Variants in EYS observed in about 807,000 individuals in gnomAD.
EYS encodes the protein protein eyes shut homolog.
EYS carries 250 observed loss-of-function variants against 282.1 expected under a neutral mutation model. That is an observed-to-expected ratio of 0.89 (90% CI 0.80 to 0.98). EYS has a LOEUF of 0.98. Among genes scored for constraint, EYS ranks in the 50% least tolerant of loss-of-function variants. The pLI, the probability that EYS is intolerant of heterozygous loss-of-function variation, is 0.00. For missense variants in EYS, 4,016 were observed against 3,709.0 expected (o/e 1.08, Z -2.15); for synonymous variants, 1,355 against 1,282.9 (o/e 1.06, Z -1.20).
At chr6:64,367,441 T>C (rs1171567145) in intron 29 of EYS, among the ~76,000 whole-genome samples, 2 of 152,034 alleles carry the variant, frequency 1.3e-5, no homozygotes, top group Non-Finnish European at 2.9e-5. Context: ...TGCTCTCCTA[T>C]TCTTCAACTT....
intron 5 of EYS, among the ~76,000 whole-genome samples, chr6:65,414,776 A>G (rs1332999807): frequency 2.6e-5 from 4 of 152,158 alleles, no homozygotes; most frequent in Admixed American, 6.6e-5. Flanking sequence ...ATAAGTGAAG[A>G]TAAATATTTG....
intron 31 of EYS, among the ~76,000 whole-genome samples, chr6:64,169,456 G>A (rs530517396): frequency 2.9e-5 from 4 of 136,508 alleles, no homozygotes; most frequent in South Asian, 2.1e-4. Flanking sequence ...TTACAAAAAG[G>A]ATTATTGACA....
intron 5 of EYS, among the ~76,000 whole-genome samples, chr6:65,478,220 A>C (rs1341645210): frequency 6.6e-6 from 1 of 151,274 alleles, no homozygotes; most frequent in Non-Finnish European, 1.5e-5. Context: ...GAAAATATGA[A>C]TGTATATGGC....
In EYS at chr6:63,994,901, A is replaced by G. The variant is rs144096763; in HGVS notation, c.6834+4174T>C. Among the ~76,000 whole-genome samples, 58 of 152,050 alleles carry G rather than the reference A, an allele frequency of 3.8e-4. 1 individual carries two copies. In the East Asian group the frequency reaches 9.9e-3, roughly 26 times the overall value. On this transcript the variant is annotated intron_variant, in intron 34 of 42. Transcript: ENST00000503581. Reference sequence around the variant, plus strand: ...TACTTAAAGTTGATTAAAGACTTAAACTTAACACCCAAACCATAAAACCCC... The same window carrying G: ...TACTTAAAGTTGATTAAAGACTTAAGCTTAACACCCAAACCATAAAACCCC...
At chr6:64,026,887 C>T (rs1769543218) in intron 33 of EYS, among the ~76,000 whole-genome samples, 1 of 152,162 alleles carries the variant, frequency 6.6e-6, no homozygotes, top group South Asian at 2.1e-4. Flanking sequence ...TGATTTAAAA[C>T]AGATCAAGGC....
At chr6:64,295,796 T>C in intron 30 of EYS, among the ~76,000 whole-genome samples, 1 of 151,786 alleles carries the variant, frequency 6.6e-6, no homozygotes, top group Non-Finnish European at 1.5e-5. Flanking sequence ...GTTGCCAATG[T>C]TACAATTCGA....
At chr6:64,883,820 AC>A (rs1049654637) in intron 19 of EYS, among the ~76,000 whole-genome samples, 1 of 143,912 alleles carries the variant, frequency 6.9e-6, no homozygotes, top group African/African-American at 2.6e-5. Flanking sequence ...AATTCAGTCA[AC>A]TCACTACCAC....
At chr6:64,402,720 G>C (rs983802953) in intron 28 of EYS, among the ~76,000 whole-genome samples, 1 of 152,114 alleles carries the variant, frequency 6.6e-6, no homozygotes, top group Non-Finnish European at 1.5e-5. Context: ...AAAATACCAT[G>C]CAATTCAATT....
intron 12 of EYS, among the ~76,000 whole-genome samples, chr6:65,210,937 C>G (rs896855318): frequency 1.3e-5 from 2 of 151,342 alleles, no homozygotes; most frequent in African/African-American, 4.9e-5. Flanking sequence ...TACAAACACA[C>G]ACACACACAC....
chr6:63,956,288 C>T (rs1765817651), intron 35 of EYS, among the ~76,000 whole-genome samples: 1 of 152,146 alleles, frequency 6.6e-6, no homozygotes, highest in Admixed American at 6.6e-5. Flanking sequence ...AATTCCTTCT[C>T]CTAGCTCAGA....
At chr6:65,125,315 G>T (rs74701053) in intron 12 of EYS, among the ~76,000 whole-genome samples, 6,563 of 152,154 alleles carry the variant, frequency 0.043, 419 homozygotes, top group African/African-American at 0.14. Context: ...TTCATCTATA[G>T]AGTCTCAATG....
At chr6:64,039,527 T>A (rs2149836125) in intron 33 of EYS, among the ~76,000 whole-genome samples, 1 of 152,318 alleles carries the variant, frequency 6.6e-6, no homozygotes, top group East Asian at 1.9e-4. Context: ...TAATTCTACT[T>A]TTAAATAGAT....
intron 31 of EYS, among the ~76,000 whole-genome samples, chr6:64,147,671 CAT>C (rs1459217319): frequency 1.3e-5 from 2 of 152,176 alleles, no homozygotes; most frequent in African/African-American, 4.8e-5. Context: ...CTTTACCAGT[CAT>C]GTGACTGATC....
At chr6:64,661,996 A>G (rs1347598495) in intron 22 of EYS, among the ~76,000 whole-genome samples, 1 of 152,002 alleles carries the variant, frequency 6.6e-6, no homozygotes, top group African/African-American at 2.4e-5. Context: ...ATGTCCAACA[A>G]TGATAGACTC....
intron 11 of EYS, among the ~76,000 whole-genome samples, chr6:65,320,647 T>C (rs1769449019): frequency 6.6e-6 from 1 of 152,178 alleles, no homozygotes; most frequent in Non-Finnish European, 1.5e-5. Flanking sequence ...GAAGTGCATC[T>C]CAGAAGGACA....
chr6:64,247,758 A>G (rs539210401), intron 30 of EYS, among the ~76,000 whole-genome samples: 2 of 152,308 alleles, frequency 1.3e-5, no homozygotes, highest in South Asian at 2.1e-4. Flanking sequence ...TTAAAAAAAA[A>G]CTAATTTTAT....
chr6:65,323,768 T>C (rs1769541909), intron 11 of EYS, among the ~76,000 whole-genome samples: 1 of 130,640 alleles, frequency 7.7e-6, no homozygotes, highest in Non-Finnish European at 1.6e-5. Flanking sequence ...GCAAAATCTA[T>C]TTAACGGCTA....
Position 64,442,281 on chromosome 6 carries a change from A to C in EYS, c.5645-2929T>G, listed in dbSNP as rs191830799. Among the ~76,000 whole-genome samples, 25 of 152,278 alleles carry C rather than the reference A, an allele frequency of 1.6e-4. 1 individual carries two copies. Among genetic ancestry groups the C allele is most frequent in the African/African-American group, 5.3e-4 (22 of 41,554 alleles). On this transcript the variant is annotated intron_variant, in intron 26 of 42. Transcript: ENST00000503581. ...TTGCACTTGAGGAACATGATTTAGG[A>C]TATCTGGCAGAAAAAATTTCTAAGC... is the stretch of plus-strand genomic sequence containing the variant.
chr6:65,321,131 A>G (rs1189324610), intron 11 of EYS, among the ~76,000 whole-genome samples: 1 of 150,462 alleles, frequency 6.6e-6, no homozygotes, highest in Non-Finnish European at 1.5e-5. Context: ...TAAAACTAGT[A>G]GAGAGTATGA....
Sources: allele counts gnomAD v4.1 joint callset (sites outside exome capture counted in the v4.1 genomes callset), GRCh38; gene constraint gnomAD v4.1.1; transcripts MANE v1.5; gene names NCBI Gene and HGNC (gene_info 2026-07-23, HGNC 2026-07-21).